GALNT13: variants seen among roughly 807,000 people sequenced by gnomAD.
GALNT13 encodes the protein polypeptide N-acetylgalactosaminyltransferase 13.
Under a neutral mutation model 64.2 loss-of-function variants are expected in GALNT13, and 28 were observed. The ratio of observed to expected loss-of-function variants is 0.44; its 90% CI spans 0.32 to 0.60. The LOEUF (loss-of-function observed/expected upper bound fraction) is 0.60, where lower values mean the gene tolerates loss of function less well. Among genes scored for constraint, GALNT13 ranks in the 20% least tolerant of loss-of-function variants. The pLI is 0.05. For synonymous variants in GALNT13, 214 were observed against 224.6 expected, an observed-to-expected ratio of 0.95 and a Z score of 0.42; for missense variants, 577 against 669.8, an observed-to-expected ratio of 0.86 and a Z score of 1.53.
the GALNT13 span, among the ~76,000 whole-genome samples, chr2:153,749,990 G>A: frequency 6.6e-6 from 1 of 151,672 alleles, no homozygotes; most frequent in Non-Finnish European, 1.5e-5. Flanking sequence ...TTATGTTGAG[G>A]TATGTTCCTT....
chr2:153,814,449 A>AAGTAAGTAAG, the GALNT13 span, among the ~76,000 whole-genome samples: 8 of 148,400 alleles, frequency 5.4e-5, no homozygotes, highest in South Asian at 2.1e-4. Context: ...CAATAAATAA[A>AAGTAAGTAAG]TAAGTAAGTA....
chr2:153,520,934 T>C, the GALNT13 span, among the ~76,000 whole-genome samples: 1 of 152,180 alleles, frequency 6.6e-6, no homozygotes, highest in African/African-American at 2.4e-5. Flanking sequence ...TGAATAGAGA[T>C]TTCTTTTAAA....
At chr2:153,693,702 TG>T in the GALNT13 span, among the ~76,000 whole-genome samples, 2 of 152,126 alleles carry the variant, frequency 1.3e-5, no homozygotes, top group African/African-American at 2.4e-5. Context: ...GTTACATTCT[TG>T]TGAGGCTTTG....
intron 4 of GALNT13, among the ~76,000 whole-genome samples, chr2:154,212,887 T>C (rs190724902): frequency 3.3e-5 from 5 of 152,220 alleles, no homozygotes; most frequent in Admixed American, 3.3e-4. Context: ...CACATTTTAT[T>C]AATCTCAATG....
the GALNT13 span, among the ~76,000 whole-genome samples, chr2:153,249,459 A>G: frequency 6.6e-6 from 1 of 152,206 alleles, no homozygotes; most frequent in Non-Finnish European, 1.5e-5. Context: ...GCCCAAAGTA[A>G]TTTACAGATT....
the GALNT13 span, among the ~76,000 whole-genome samples, chr2:153,407,727 G>A: frequency 1.3e-5 from 2 of 152,140 alleles, no homozygotes; most frequent in African/African-American, 4.8e-5. Context: ...CTATAGGTTC[G>A]TAAGTGATGT....
At chr2:153,282,189 T>G in the GALNT13 span, among the ~76,000 whole-genome samples, 1 of 152,190 alleles carries the variant, frequency 6.6e-6, no homozygotes, top group South Asian at 2.1e-4. Context: ...AGGTTTCAAA[T>G]GTATTTTTGA....
At chr2:153,652,071 A>G in the GALNT13 span, among the ~76,000 whole-genome samples, 1 of 152,030 alleles carries the variant, frequency 6.6e-6, no homozygotes, top group Non-Finnish European at 1.5e-5. Context: ...CATTTCAAAA[A>G]TTTTTTCCAC....
At chr2:153,147,373 C>T in the GALNT13 span, among the ~76,000 whole-genome samples, 3 of 151,708 alleles carry the variant, frequency 2.0e-5, no homozygotes, top group Admixed American at 6.6e-5. Context: ...TTCTTCTTAG[C>T]AACTAAAACA....
At chr2:153,517,421 A>G in the GALNT13 span, among the ~76,000 whole-genome samples, 1 of 152,180 alleles carries the variant, frequency 6.6e-6, no homozygotes, top group Non-Finnish European at 1.5e-5. Context: ...CAGCGCTGGG[A>G]CAAGAAAATA....
intron 8 of GALNT13, among the ~76,000 whole-genome samples, chr2:154,298,693 ACATT>A (rs1274545804): frequency 6.1e-5 from 7 of 114,728 alleles, no homozygotes; most frequent in African/African-American, 2.0e-4. Flanking sequence ...ATTTATATAT[ACATT>A]GTATATACAA....
chr2:153,377,040 A>C, the GALNT13 span, among the ~76,000 whole-genome samples: 1 of 152,194 alleles, frequency 6.6e-6, no homozygotes, highest in Non-Finnish European at 1.5e-5. Flanking sequence ...TAAAGTCTTT[A>C]AAGAGTGATT....
At chr2:154,317,103 C>T (rs533037679) in intron 9 of GALNT13, among the ~76,000 whole-genome samples, 19 of 151,938 alleles carry the variant, frequency 1.3e-4, no homozygotes, top group African/African-American at 4.6e-4. Context: ...GTCCCAGCTA[C>T]TCAGGAGGCT....
chr2:153,372,545 C>T, the GALNT13 span, among the ~76,000 whole-genome samples: 1 of 151,902 alleles, frequency 6.6e-6, no homozygotes, highest in Non-Finnish European at 1.5e-5. Flanking sequence ...ACTCGGAAGG[C>T]TGAGGCAGGA....
At chr2:154,014,372 CT>C (rs1272086464) in intron 3 of GALNT13, among the ~76,000 whole-genome samples, 2 of 152,018 alleles carry the variant, frequency 1.3e-5, no homozygotes, top group African/African-American at 2.4e-5. Context: ...AAACTCACCC[CT>C]TCCCCAGTAT....
intron 3 of GALNT13, among the ~76,000 whole-genome samples, chr2:154,126,389 A>T (rs1295621525): frequency 1.3e-5 from 2 of 152,150 alleles, no homozygotes; most frequent in Non-Finnish European, 2.9e-5. Context: ...TAATCCCAGC[A>T]CTTTGGAAGG....
the GALNT13 span, among the ~76,000 whole-genome samples, chr2:153,165,133 G>GACA: frequency 6.6e-6 from 1 of 152,188 alleles, no homozygotes; most frequent in Non-Finnish European, 1.5e-5. Flanking sequence ...CACCTTTGAG[G>GACA]ACAAGAACAA....
chr2:154,322,264 C>T (rs2105166096), intron 9 of GALNT13, among the ~76,000 whole-genome samples: 1 of 141,176 alleles, frequency 7.1e-6, no homozygotes, highest in African/African-American at 2.6e-5. Context: ...ATTCCAACTT[C>T]ACCTTCTATA....
At chr2:154,427,964 A>G (rs1392451453) in intron 11 of GALNT13, among the ~76,000 whole-genome samples, 2 of 152,224 alleles carry the variant, frequency 1.3e-5, no homozygotes, top group African/African-American at 4.8e-5. Flanking sequence ...TCACATTGCT[A>G]AAGGTATAAT....
Sources: gnomAD v4.1 joint callset for allele counts (sites outside exome capture counted in the v4.1 genomes callset) on GRCh38, gnomAD v4.1.1 for gene constraint, MANE v1.5 for transcripts, NCBI Gene and HGNC (gene_info 2026-07-23, HGNC 2026-07-21) for gene names.